The following SLC9C2 variants were observed in gnomAD, a reference collection of about 807,000 sequenced individuals.
The protein encoded by SLC9C2 is solute carrier family 9 member C2 (putative).
A neutral mutation model predicts 140.2 loss-of-function variants in SLC9C2; 75 were observed. The ratio of observed to expected loss-of-function variants is 0.53; its 90% CI spans 0.44 to 0.65. The LOEUF is 0.65. Among genes scored for constraint, SLC9C2 ranks in the 30% least tolerant of loss-of-function variants. The pLI is 0.00. For missense variants in SLC9C2, 1,074 were observed against 1,331.8 expected (o/e 0.81, Z 3.01); for synonymous variants, 375 against 420.9 (o/e 0.89, Z 1.34).
chr1:173,561,842 TACAC>T (rs1337862525), intron 9 of SLC9C2, among the ~76,000 whole-genome samples: 1 of 133,952 alleles, frequency 7.5e-6, no homozygotes, highest in South Asian at 2.3e-4. Flanking sequence ...TCACATAAGA[TACAC>T]ACACACACAG....
At chr1:173,551,569 T>G (rs1571541133) in intron 11 of SLC9C2, among the ~76,000 whole-genome samples, 1 of 152,196 alleles carries the variant, frequency 6.6e-6, no homozygotes, top group Non-Finnish European at 1.5e-5. Context: ...CTCACAATAT[T>G]TCAAACTTTT....
intron 13 of SLC9C2, among the ~76,000 whole-genome samples, chr1:173,545,968 GA>G (rs1365488928): frequency 1.3e-5 from 2 of 152,056 alleles, no homozygotes; most frequent in African/African-American, 2.4e-5. Context: ...TTCGGAGTGG[GA>G]AAAAGGTAGA....
rs970927365 is a variant in SLC9C2, at chr1:173,535,679, A to G, written c.1775+151T>C. On this transcript the variant is annotated intron_variant, in intron 15 of 27. Transcript: ENST00000367714. Reference sequence around the variant, plus strand: ...ATGTCAATGAAGTTGCTAAAATAGAATGGAAGAAGAGAAGCAAGCACCACC... The same window carrying G: ...ATGTCAATGAAGTTGCTAAAATAGAGTGGAAGAAGAGAAGCAAGCACCACC... 6.5e-6 allele frequency: 6 copies of G among 925,092 alleles called. No homozygotes were observed. In the African/African-American group the frequency reaches 7.1e-5, roughly 11 times the overall value. The allele number at this position is 925,092 out of a possible 1,614,324, so 57.3% of individuals were successfully genotyped here.
chr1:173,601,547 C>T, intron 2 of SLC9C2, 103 bp downstream of exon 2: 1 of 1,328,668 alleles, frequency 7.5e-7, no homozygotes, highest in Non-Finnish European at 1.0e-6. Flanking sequence ...CTTATCGTTT[C>T]AATGGGCCCC....
chr1:173,585,851 C>T (rs978464018), intron 5 of SLC9C2, among the ~76,000 whole-genome samples: 26 of 152,004 alleles, frequency 1.7e-4, no homozygotes, highest in African/African-American at 5.8e-4. Flanking sequence ...GGCTGTAATC[C>T]CAGCTACTCG....
chr1:173,528,007 T>C (rs1661327882), intron 18 of SLC9C2, among the ~76,000 whole-genome samples: 1 of 152,154 alleles, frequency 6.6e-6, no homozygotes, highest in Non-Finnish European at 1.5e-5. Context: ...CCAGCCCTGC[T>C]TGCATAGGTG....
At chr1:173,574,937 G>A (rs1367713643) in intron 8 of SLC9C2, among the ~76,000 whole-genome samples, 2 of 152,004 alleles carry the variant, frequency 1.3e-5, no homozygotes, top group Non-Finnish European at 2.9e-5. Context: ...TGGGAAACAC[G>A]GTGAAACCCC....
intron 19 of SLC9C2, 66 bp downstream of exon 19, chr1:173,526,597 C>A: frequency 7.5e-7 from 1 of 1,332,156 alleles, no homozygotes; most frequent in South Asian, 1.3e-5. Context: ...ATGAATTGTT[C>A]TTCTTTTATT....
At chr1:173,556,715 G>A (rs1005140651) in intron 10 of SLC9C2, among the ~76,000 whole-genome samples, 3 of 151,844 alleles carry the variant, frequency 2.0e-5, no homozygotes, top group Admixed American at 6.6e-5. Context: ...CCAAGAGTTC[G>A]AGACCAGCCT....
intron 13 of SLC9C2, among the ~76,000 whole-genome samples, chr1:173,541,743 C>T (rs950571215): frequency 2.6e-5 from 4 of 151,980 alleles, no homozygotes; most frequent in East Asian, 1.9e-4. Context: ...ACTGAACAAC[C>T]GGCTCCTGAA....
rs1197220801 is a variant in SLC9C2 at position 173,557,514 on chromosome 1, G to A, written c.1047-6C>T. ...CTAACAAAATAGTAAGCAACCTGTG[G>A]AGAGGGAAACATTAAAAATAAATCT... On this transcript the variant is annotated splice_polypyrimidine_tract_variant and splice_region_variant and intron_variant, in intron 9 of 27. Transcript: ENST00000367714. 3 of 1,604,804 alleles carry A rather than the reference G, an allele frequency of 1.9e-6. No individual in the cohort carries two copies. Among genetic ancestry groups the A allele is most frequent in the Non-Finnish European group, 2.5e-6 (3 of 1,177,040 alleles).
At chr1:173,547,495 G>T (rs1336258330) in intron 13 of SLC9C2, among the ~76,000 whole-genome samples, 194 bp downstream of exon 13, 2 of 151,132 alleles carry the variant, frequency 1.3e-5, no homozygotes, top group South Asian at 2.1e-4. Flanking sequence ...GGATAATAAG[G>T]TTTGTGACTT....
At chr1:173,543,613 G>A (rs1162863850) in intron 13 of SLC9C2, among the ~76,000 whole-genome samples, 1 of 152,062 alleles carries the variant, frequency 6.6e-6, no homozygotes, top group East Asian at 1.9e-4. Context: ...TATACTACAA[G>A]GCTACAGTAA....
At chr1:173,542,514 C>G (rs1024934340) in intron 13 of SLC9C2, among the ~76,000 whole-genome samples, 2 of 152,132 alleles carry the variant, frequency 1.3e-5, no homozygotes, top group Non-Finnish European at 2.9e-5. Context: ...TTTTATGAGG[C>G]CAGTGTCATC....
rs1161740544 is a variant in SLC9C2 at position 173,536,803 on chromosome 1, G to A, written c.1655+139C>T. On this transcript the variant is annotated intron_variant, in intron 14 of 27. Coordinates refer to ENST00000367714, the MANE Select transcript of SLC9C2 (RefSeq NM_178527.4). ...TAGATGGATGGAAGGACAGACAGAT[G>A]GACAGACAGAAGATGGATACATACA... 3 of 633,300 alleles carry A rather than the reference G, an allele frequency of 4.7e-6. No homozygotes were observed. In the African/African-American group the frequency reaches 5.5e-5, roughly 12 times the overall value. The allele number at this position is 633,300 out of a possible 1,614,324, so 39.2% of individuals were successfully genotyped here.
Position 173,576,648 on chromosome 1 carries a change from A to G in SLC9C2, c.902+13T>C, listed in dbSNP as rs1665199120. On this transcript the variant is annotated intron_variant, in intron 8 of 27. Transcript: ENST00000367714. ...GCTATGAGATCCATCGAAGGGCACG[A>G]TAGGAAACTTACTTAGTAATTACAA... 6.4e-7 allele frequency: 1 copy of G among 1,564,644 alleles called. No individual in the cohort carries two copies. Among genetic ancestry groups the G allele is most frequent in the Non-Finnish European group, 8.8e-7 (1 of 1,139,692 alleles).
chr1:173,581,842 C>T lies in SLC9C2; in HGVS notation c.802+5G>A. ...CAGTAATTTTTGTATTTATTTCAGC[C>T]TTACCAATATAGAAAGTCATGTACA... On this transcript the variant is annotated splice_donor_5th_base_variant and intron_variant, in intron 7 of 27. Transcript: ENST00000367714. 1 of 1,526,682 alleles carries T rather than the reference C, an allele frequency of 6.6e-7. No homozygotes were observed. The highest frequency in any genetic ancestry group is 8.9e-7 in the Non-Finnish European group (1 of 1,129,178). The allele number at this position is 1,526,682 out of a possible 1,614,324, so 94.6% of individuals were successfully genotyped here.
In SLC9C2 at chr1:173,507,041, C is replaced by A; in HGVS notation, c.3040G>T (p.Asp1014Tyr). The change falls in exon 25 of 28, where the codon GAC (aspartate) becomes TAC (tyrosine). Residue 1014 changes from aspartate to tyrosine, a missense_variant and splice_region_variant. By Grantham distance (160) the Asp-to-Tyr change is radical. Coordinates refer to ENST00000367714, the MANE Select transcript of SLC9C2 (RefSeq NM_178527.4). Reference protein sequence around the residue: ...QYFESSLIDEDLRFQNCVMFN... With the variant: ...QYFESSLIDEYLRFQNCVMFN... Reference sequence around the variant, plus strand: ...ATCACACAGTTCTGAAACCTTAAGTCCTATAATAAAATTGCATTTTAGAAA... The same window carrying A: ...ATCACACAGTTCTGAAACCTTAAGTACTATAATAAAATTGCATTTTAGAAA... 1 of 1,554,564 alleles carries A rather than the reference C, an allele frequency of 6.4e-7. No homozygotes were observed. The highest frequency in any genetic ancestry group is 1.2e-5 in the South Asian group (1 of 80,980).
chr1:173,547,760 T>C lies in SLC9C2; in HGVS notation c.1486A>G (p.Met496Val). 6.2e-7 allele frequency: 1 copy of C among 1,612,124 alleles called. No homozygotes were observed. Among genetic ancestry groups the C allele is most frequent in the Admixed American group, 1.7e-5 (1 of 59,946 alleles). The change falls in exon 13 of 28, where the codon ATG (methionine) becomes GTG (valine). Residue 496 changes from methionine to valine, a missense_variant. Transcript: ENST00000367714. ...IPFSHVSHND[M>V]KTESTTDEAL... ...TCATCTGTTGTGGATTCTGTCTTCA[T>C]ATCATTATGTGAAACGTGGGAAAAC... is the stretch of plus-strand genomic sequence containing the variant.
Sources: allele counts gnomAD v4.1 joint callset (sites outside exome capture counted in the v4.1 genomes callset), GRCh38; gene constraint gnomAD v4.1.1; transcripts MANE v1.5; gene names NCBI Gene and HGNC (gene_info 2026-07-23, HGNC 2026-07-21).